Variants in NIPAL1 observed in about 807,000 individuals in gnomAD.
NIPAL1 encodes magnesium transporter NIPA3.
NIPAL1 carries 35 observed loss-of-function variants against 37.7 expected under a neutral mutation model. That is an observed-to-expected ratio of 0.93 (90% CI 0.71 to 1.23). NIPAL1 has a LOEUF of 1.23. NIPAL1 is among the 50% of genes most tolerant of loss of function. The pLI is 0.00. For missense variants in NIPAL1, 412 were observed against 473.9 expected, an observed-to-expected ratio of 0.87 and a Z score of 1.21; for synonymous variants, 162 against 183.0, an observed-to-expected ratio of 0.89 and a Z score of 0.93.
rs1715941967 is a variant in NIPAL1 at position 48,036,255 on chromosome 4, G to A, written c.*83G>A. The A allele has an allele frequency of 1.5e-6, 2 of 1,345,410 alleles. No homozygotes were observed. The highest frequency in any genetic ancestry group is 2.0e-6 in the Non-Finnish European group (2 of 987,634). 83.3% of individuals were successfully genotyped at this position (1,345,410 alleles called of 1,614,324 possible). ...GCTTGCTTCTTGGAAGAACTGCTAG[G>A]AAAGTTAGCATTTTTGCAGTTCTAA... On this transcript the variant is annotated 3_prime_UTR_variant, in exon 6 of 6. Coordinates refer to ENST00000295461, the MANE Select transcript of NIPAL1 (RefSeq NM_207330.3).
chr4:48,037,428 G>C lies in NIPAL1; in HGVS notation c.*1256G>C, dbSNP rs1359058627. 4.7e-6 allele frequency: 1 copy of C among 214,044 alleles called. No homozygotes were observed. The highest frequency in any genetic ancestry group is 5.8e-5 in the South Asian group (1 of 17,310). 13.3% of individuals were successfully genotyped at this position (214,044 alleles called of 1,614,324 possible). ...AAAGGTTATTTTTCTTGTTGATATA[G>C]AGATTTTTGTAAAAGATTGCTACAT... On this transcript the variant is annotated 3_prime_UTR_variant, in exon 6 of 6. Transcript: ENST00000295461.
At position 48,032,147 on chromosome 4, in the gene NIPAL1, G is replaced by A. The variant is rs559902466; in HGVS notation, c.371-846G>A. ...GTGAATACTCCTATAGATTTGGGGG[G>A]ATGTAGCGTAGCAGCCAGACAAAGG... is the stretch of plus-strand genomic sequence containing the variant. On this transcript the variant is annotated intron_variant, in intron 3 of 5. Transcript: ENST00000295461. Among the ~76,000 whole-genome samples the A allele has an allele frequency of 2.0e-5, 3 of 152,290 alleles. No individual in the cohort carries two copies. In the East Asian group the frequency reaches 5.8e-4, roughly 29 times the overall value.
chr4:48,029,002 A>G (rs1188896167), intron 2 of NIPAL1, among the ~76,000 whole-genome samples: 1 of 152,114 alleles, frequency 6.6e-6, no homozygotes, highest in Non-Finnish European at 1.5e-5. Flanking sequence ...ACGGAAAACA[A>G]TATGGAGATC....
intron 1 of NIPAL1, among the ~76,000 whole-genome samples, chr4:48,023,106 C>T (rs368327524): frequency 2.7e-5 from 4 of 149,740 alleles, no homozygotes; most frequent in African/African-American, 5.0e-5. Context: ...GTGGAGATCT[C>T]GCTATATTGC....
intron 2 of NIPAL1, among the ~76,000 whole-genome samples, chr4:48,025,779 T>A (rs1715672625): frequency 6.6e-6 from 1 of 152,214 alleles, no homozygotes; most frequent in African/African-American, 2.4e-5. Context: ...TCTATCTTCT[T>A]GATGGAGTCA....
chr4:48,017,983 A>C (rs531712404), intron 1 of NIPAL1, among the ~76,000 whole-genome samples: 2 of 152,136 alleles, frequency 1.3e-5, no homozygotes, highest in South Asian at 4.1e-4. Flanking sequence ...AGCTCGTCCA[A>C]ACCATGCTAG....
chr4:48,033,372 A>G (rs907786219), intron 4 of NIPAL1, among the ~76,000 whole-genome samples: 3 of 152,244 alleles, frequency 2.0e-5, no homozygotes, highest in East Asian at 1.9e-4. Flanking sequence ...GAAATAGGAA[A>G]TAGACTGTCA....
At chr4:48,033,186 C>T (rs926383416) in intron 4 of NIPAL1, 103 bp downstream of exon 4, 3 of 684,642 alleles carry the variant, frequency 4.4e-6, no homozygotes, top group Non-Finnish European at 7.4e-6. Flanking sequence ...AGCAAACACA[C>T]AAATCTAGAC....
intron 1 of NIPAL1, among the ~76,000 whole-genome samples, chr4:48,020,901 A>C (rs1018781325): frequency 1.3e-5 from 2 of 152,214 alleles, no homozygotes; most frequent in African/African-American, 2.4e-5. Flanking sequence ...TGACTTTCTT[A>C]AAACCAGATT....
chr4:48,032,129 C>T (rs1211183462), intron 3 of NIPAL1, among the ~76,000 whole-genome samples: 1 of 152,154 alleles, frequency 6.6e-6, no homozygotes, highest in African/African-American at 2.4e-5. Flanking sequence ...ATGGTGAATA[C>T]TCCTATAGAT....
intron 2 of NIPAL1, 86 bp from the exon 3 acceptor site, chr4:48,030,034 C>A: frequency 2.6e-6 from 2 of 756,348 alleles, no homozygotes; most frequent in Non-Finnish European, 4.7e-6. Flanking sequence ...TAACCATAAT[C>A]CAGTACGCTT....
In NIPAL1 at chr4:48,025,353, T is replaced by A. The variant is rs766869881; in HGVS notation, c.313+19T>A. 25 of 1,608,136 alleles carry A rather than the reference T, an allele frequency of 1.6e-5. No homozygotes were observed. Among genetic ancestry groups the A allele is most frequent in the Non-Finnish European group, 2.0e-5 (23 of 1,176,862 alleles). ...AGAGCTGGTAAGAAACACATGCAACTAATGAATTTAAGTTTCTAACTGCAG... is the reference window on the plus strand; with the variant it reads ...AGAGCTGGTAAGAAACACATGCAACAAATGAATTTAAGTTTCTAACTGCAG... On this transcript the variant is annotated intron_variant, in intron 2 of 5. Transcript: ENST00000295461.
intron 5 of NIPAL1, 82 bp downstream of exon 5, chr4:48,035,123 A>G (rs1448749061): frequency 1.7e-6 from 2 of 1,169,016 alleles, no homozygotes; most frequent in Non-Finnish European, 2.5e-6. Flanking sequence ...TAATATTGTA[A>G]TAAGCTTTCT....
intron 2 of NIPAL1, among the ~76,000 whole-genome samples, chr4:48,026,414 A>C (rs1560323342): frequency 6.6e-6 from 1 of 152,218 alleles, no homozygotes; most frequent in African/African-American, 2.4e-5. Flanking sequence ...TTTATAAAAG[A>C]GTACTATTGA....
At chr4:48,020,781 G>A (rs1333804577) in intron 1 of NIPAL1, among the ~76,000 whole-genome samples, 1 of 152,132 alleles carries the variant, frequency 6.6e-6, no homozygotes, top group African/African-American at 2.4e-5. Context: ...GAAAGGTAAG[G>A]GGCTGAATAC....
At chr4:48,030,218 G>T in intron 3 of NIPAL1, 42 bp downstream of exon 3, 3 of 1,185,882 alleles carry the variant, frequency 2.5e-6, no homozygotes, top group Non-Finnish European at 3.8e-6. Flanking sequence ...TTGTAAGATA[G>T]TAAATAGATT....
At chr4:48,022,314 C>A (rs1349610419) in intron 1 of NIPAL1, among the ~76,000 whole-genome samples, 1 of 152,086 alleles carries the variant, frequency 6.6e-6, no homozygotes, top group Non-Finnish European at 1.5e-5. Context: ...AACATGTTCC[C>A]AAAGCATAAA....
rs1261666305 is a variant in NIPAL1 at position 48,028,374 on chromosome 4, T to C, written c.314-1746T>C. Among the ~76,000 whole-genome samples, 9 of 152,062 alleles carry C rather than the reference T, an allele frequency of 5.9e-5. No homozygotes were observed. In the South Asian group the frequency reaches 1.5e-3, roughly 25 times the overall value. On this transcript the variant is annotated intron_variant, in intron 2 of 5. Coordinates refer to ENST00000295461, the MANE Select transcript of NIPAL1 (RefSeq NM_207330.3). ...GTGCAAGGAAAATTGTAGAACCATA[T>C]ATAGAAGAACGAAACTGGACCTTAT...
chr4:48,027,976 T>C lies in NIPAL1; in HGVS notation c.314-2144T>C, dbSNP rs1715728061. Among the ~76,000 whole-genome samples the C allele has an allele frequency of 6.6e-6, 1 of 152,186 alleles. No individual in the cohort carries two copies. Among genetic ancestry groups the C allele is most frequent in the Non-Finnish European group, 1.5e-5 (1 of 68,016 alleles). ...TTCTGTTTTTAATTTTAACCATAGC[T>C]GAAATGAAGTATTTATGTCCACACC... is the stretch of plus-strand genomic sequence containing the variant. On this transcript the variant is annotated intron_variant, in intron 2 of 5. Transcript: ENST00000295461. The surrounding 1 kb of genome is among the most constrained non-coding windows in gnomAD (Gnocchi z 4.1).
Sources: gnomAD v4.1 joint callset for allele counts (sites outside exome capture counted in the v4.1 genomes callset) on GRCh38, gnomAD v4.1.1 for gene constraint, Gnocchi (gnomAD v3.1) non-coding constraint, MANE v1.5 for transcripts, NCBI Gene and HGNC (gene_info 2026-07-23, HGNC 2026-07-21) for gene names.